Variants in AGBL4 observed in about 807,000 individuals in gnomAD.
AGBL4 encodes cytosolic carboxypeptidase 6.
A neutral mutation model predicts 66.4 loss-of-function variants in AGBL4; 58 were observed. The observed-to-expected ratio is 0.87, with a 90% CI of 0.71 to 1.09. The LOEUF (loss-of-function observed/expected upper bound fraction) is 1.09. AGBL4 is among the 50% of genes least tolerant of loss of function. The pLI is 0.00. For missense variants in AGBL4, 579 were observed against 631.0 expected, an observed-to-expected ratio of 0.92 and a Z score of 0.88; for synonymous variants, 234 against 222.9, an observed-to-expected ratio of 1.05 and a Z score of -0.44.
chr1:49,444,192 T>G (rs1646100252), intron 3 of AGBL4, among the ~76,000 whole-genome samples: 1 of 152,092 alleles, frequency 6.6e-6, no homozygotes, highest in East Asian at 1.9e-4. Flanking sequence ...TGGTCTATTT[T>G]GGAGAATGTT....
chr1:49,742,917 C>CAT (rs1436674262), intron 2 of AGBL4, among the ~76,000 whole-genome samples: 1 of 152,150 alleles, frequency 6.6e-6, no homozygotes, highest in Non-Finnish European at 1.5e-5. Flanking sequence ...TGATTAAAGA[C>CAT]TTAAATGTTA....
At chr1:49,899,763 GGGCACAGT>G (rs1649586112) in intron 1 of AGBL4, among the ~76,000 whole-genome samples, 1 of 152,136 alleles carries the variant, frequency 6.6e-6, no homozygotes, top group Non-Finnish European at 1.5e-5. Context: ...TGCTCAGGCT[GGGCACAGT>G]GGCTCATGTA....
rs371170099 is a variant in AGBL4, at chr1:49,249,544, G to A, written c.283-3680C>T. 1.7e-4 allele frequency among the ~76,000 whole-genome samples: 26 copies of A among 152,184 alleles called. 2 individuals are homozygous for A. In the East Asian group the frequency reaches 3.1e-3, roughly 18 times the overall value. On this transcript the variant is annotated intron_variant, in intron 3 of 13. Coordinates refer to ENST00000371839, the MANE Select transcript of AGBL4 (RefSeq NM_032785.4). ...GTATCATCTCACTGCAATTAGAATG[G>A]CTATTATCAAAAAGACAAAAAATAA...
intron 3 of AGBL4, among the ~76,000 whole-genome samples, chr1:49,519,621 T>C (rs904721523): frequency 5.3e-5 from 8 of 152,086 alleles, no homozygotes; most frequent in African/African-American, 1.9e-4. Flanking sequence ...ATCTTTTTTA[T>C]ACCTTAGGAT....
At chr1:49,443,542 C>T (rs1480650426) in intron 3 of AGBL4, among the ~76,000 whole-genome samples, 1 of 151,872 alleles carries the variant, frequency 6.6e-6, no homozygotes, top group Non-Finnish European at 1.5e-5. Flanking sequence ...CCATTATAAG[C>T]TCTTGTGTTT....
At chr1:48,961,835 C>T (rs548214141) in intron 5 of AGBL4, among the ~76,000 whole-genome samples, 1 of 152,320 alleles carries the variant, frequency 6.6e-6, no homozygotes, top group African/African-American at 2.4e-5. Flanking sequence ...GCCTACTTCA[C>T]CTAAGATCAG....
chr1:48,545,393 T>C (rs1362495532), intron 11 of AGBL4, among the ~76,000 whole-genome samples: 1 of 152,164 alleles, frequency 6.6e-6, no homozygotes, highest in Non-Finnish European at 1.5e-5. Context: ...TTTACTGCAG[T>C]GGCCCTGTTT....
chr1:49,906,992 T>C (rs975457526), intron 1 of AGBL4, among the ~76,000 whole-genome samples: 6 of 152,140 alleles, frequency 3.9e-5, no homozygotes, highest in African/African-American at 1.4e-4. Context: ...TCAATATAAG[T>C]TTCTAATCCC....
chr1:49,359,832 C>T (rs571200150), intron 3 of AGBL4, among the ~76,000 whole-genome samples: 1 of 152,166 alleles, frequency 6.6e-6, no homozygotes, highest in Non-Finnish European at 1.5e-5. Context: ...TCACATATTA[C>T]TGGTATGCTG....
chr1:49,281,092 G>C (rs1644263304), intron 3 of AGBL4, among the ~76,000 whole-genome samples: 1 of 152,108 alleles, frequency 6.6e-6, no homozygotes, highest in African/African-American at 2.4e-5. Flanking sequence ...AAGTATTACA[G>C]GCAGACATTA....
intron 1 of AGBL4, among the ~76,000 whole-genome samples, chr1:49,909,641 A>T (rs1419168081): frequency 6.6e-6 from 1 of 152,182 alleles, no homozygotes; most frequent in Non-Finnish European, 1.5e-5. Flanking sequence ...TTAGGTTTTT[A>T]GTCTAAAGCA....
At chr1:49,619,007 A>G (rs1465429470) in intron 3 of AGBL4, among the ~76,000 whole-genome samples, 1 of 152,220 alleles carries the variant, frequency 6.6e-6, no homozygotes, top group Non-Finnish European at 1.5e-5. Context: ...CCCACAGCCA[A>G]TATCATACTG....
chr1:48,675,221 C>A (rs1234083847), intron 6 of AGBL4, among the ~76,000 whole-genome samples: 1 of 152,214 alleles, frequency 6.6e-6, no homozygotes, highest in Admixed American at 6.5e-5. Context: ...TTCCTGCCAT[C>A]CTCATCCCCA....
rs74458035 is a variant in AGBL4, at chr1:48,617,381, T to G, written c.951+17112A>C. Reference sequence around the variant, plus strand: ...GTGCTGATTGCATAATCAGAGCTAATGCTTGTCAGTCTGCCCTTTTCCTGC... The same window carrying G: ...GTGCTGATTGCATAATCAGAGCTAAGGCTTGTCAGTCTGCCCTTTTCCTGC... On this transcript the variant is annotated intron_variant, in intron 9 of 13. Transcript: ENST00000371839. 1.7e-3 allele frequency among the ~76,000 whole-genome samples: 253 copies of G among 152,350 alleles called. 1 individual carries two copies. Among genetic ancestry groups the G allele is most frequent in the African/African-American group, 5.8e-3 (241 of 41,570 alleles).
intron 2 of AGBL4, among the ~76,000 whole-genome samples, chr1:49,831,235 C>A (rs1368535014): frequency 6.6e-6 from 1 of 152,162 alleles, no homozygotes; most frequent in Non-Finnish European, 1.5e-5. Context: ...TCTTCCTATC[C>A]ATGAGCATGG....
intron 3 of AGBL4, among the ~76,000 whole-genome samples, chr1:49,660,949 T>TG (rs1439943639): frequency 6.6e-6 from 1 of 150,840 alleles, no homozygotes; most frequent in Non-Finnish European, 1.5e-5. Context: ...TGTGGCCTGT[T>TG]GGGGGGTCAT....
intron 5 of AGBL4, among the ~76,000 whole-genome samples, chr1:48,881,058 T>C (rs1004920523): frequency 6.6e-6 from 1 of 152,180 alleles, no homozygotes; most frequent in Admixed American, 6.6e-5. Context: ...GAATATAGTT[T>C]TTTCCTTCAT....
chr1:49,953,606 G>A (rs955207692), intron 1 of AGBL4, among the ~76,000 whole-genome samples: 4 of 151,630 alleles, frequency 2.6e-5, no homozygotes, highest in Non-Finnish European at 4.4e-5. Flanking sequence ...GAAACTCTAT[G>A]AGCATTGCTA....
At chr1:49,085,140 G>A (rs1644881565) in intron 4 of AGBL4, among the ~76,000 whole-genome samples, 1 of 152,178 alleles carries the variant, frequency 6.6e-6, no homozygotes, top group South Asian at 2.1e-4. Flanking sequence ...TGCTGAGGAT[G>A]TAAATAAAAC....
Sources: allele counts gnomAD v4.1 joint callset (sites outside exome capture counted in the v4.1 genomes callset), GRCh38; gene constraint gnomAD v4.1.1; transcripts MANE v1.5; gene names NCBI Gene and HGNC (gene_info 2026-07-23, HGNC 2026-07-21).